The following PASK variants were observed in gnomAD, a reference collection of about 807,000 sequenced individuals.
PASK encodes the protein PAS domain-containing serine/threonine-protein kinase.
A neutral mutation model predicts 121.0 loss-of-function variants in PASK; 110 were observed. The observed-to-expected ratio is 0.91, with a 90% confidence interval of 0.78 to 1.06. The LOEUF is 1.06. PASK is among the 50% of genes least tolerant of loss of function. PASK has a pLI of 0.00. For synonymous variants in PASK, 686 were observed against 717.8 expected (o/e 0.96, Z 0.71); for missense variants, 1,643 against 1,702.3 (o/e 0.97, Z 0.61).
chr2:241,142,616 AAAG>A (rs1254556674), intron 2 of PASK, among the ~76,000 whole-genome samples: 1 of 152,336 alleles, frequency 6.6e-6, no homozygotes, highest in Admixed American at 6.5e-5. Context: ...TGCTGCCTGA[AAAG>A]AAGCGCCAGC....
At chr2:241,121,446 G>A (rs1354967662) in intron 12 of PASK, among the ~76,000 whole-genome samples, 2 of 152,162 alleles carry the variant, frequency 1.3e-5, no homozygotes, top group Admixed American at 1.3e-4. Context: ...AGGAAAAATA[G>A]AGGGGAAAAT....
Position 241,112,428 on chromosome 2 carries a change from T to C in PASK, c.3345A>G (p.Ala1115=), listed in dbSNP as rs908129880. ...ASYIFRQLVS[A]VGYLRLKDII... is the part of the protein sequence containing the mutation. ...TGTCCTTCAAGCGCAGGTATCCCAC[T>C]GCTGACACTAGCTGGAATCAGGAGG... Residue 1115 remains alanine (A), a synonymous_variant, in exon 15 of 18, where the codon GCA becomes GCG. Coordinates refer to ENST00000234040, the MANE Select transcript of PASK (RefSeq NM_015148.4). The surrounding 1 kb of genome is among the most constrained non-coding windows in gnomAD (Gnocchi z 5.2). 1.2e-6 allele frequency: 2 copies of C among 1,612,498 alleles called. No homozygotes were observed. Among genetic ancestry groups the C allele is most frequent in the African/African-American group, 1.3e-5 (1 of 74,732 alleles).
intron 14 of PASK, chr2:241,113,670 A>G (rs886096972): frequency 2.0e-5 from 19 of 937,202 alleles, no homozygotes; most frequent in Non-Finnish European, 2.4e-5. Context: ...TTTATTAACT[A>G]GTACTGAGAG....
At position 241,108,244 on chromosome 2, in the gene PASK, A is replaced by T; in HGVS notation, c.3590T>A (p.Val1197Asp). 6.2e-7 allele frequency: 1 copy of T among 1,613,938 alleles called. No homozygotes were observed. The highest frequency in any genetic ancestry group is 2.2e-5 in the East Asian group (1 of 44,864). Residue 1197 changes from valine (V) to aspartate (D), a missense_variant, in exon 16 of 18, where the codon GTC becomes GAC. Physicochemically the swap from Val to Asp is radical, Grantham distance 152. Around this residue, in one of 3 missense-constraint regions of PASK, gnomAD observed 453 missense variants for 511.2 expected, o/e 0.89. Transcript: ENST00000234040. The surrounding 1 kb of genome is among the most constrained non-coding windows in gnomAD (Gnocchi z 5.2). ...WSLGVTLYTL[V>D]FEENPFCELE... ...CTCACAGAAGGGGTTCTCCTCAAAG[A>T]CCAGCGTGTACAGAGTGACTCCCAG...
At chr2:241,111,429 A>G (rs930181745) in intron 15 of PASK, among the ~76,000 whole-genome samples, 3 of 152,174 alleles carry the variant, frequency 2.0e-5, no homozygotes, top group Admixed American at 2.0e-4. Flanking sequence ...TCTAAAATAC[A>G]TGTAGGTGTT....
rs1269600472 is a variant in PASK at position 241,123,814 on chromosome 2, G to A, written c.2904+135C>T. 32 of 736,394 alleles carry A rather than the reference G, an allele frequency of 4.3e-5. 1 individual carries two copies. Among genetic ancestry groups the A allele is most frequent in the South Asian group, 2.2e-4 (13 of 59,142 alleles). The allele number at this position is 736,394 out of a possible 1,614,324, so 45.6% of individuals were successfully genotyped here. ...GCCTGGGGAACAAGAGCAAGACTCC[G>A]TCCCAGAAAAAAAAAAAAAAAGCTA... On this transcript the variant is annotated intron_variant, in intron 11 of 17. Coordinates refer to ENST00000234040, the MANE Select transcript of PASK (RefSeq NM_015148.4).
At chr2:241,150,102 T>A (rs1332133755), upstream of PASK, 2 of 1,263,474 alleles carry the variant, frequency 1.6e-6, no homozygotes, top group Admixed American at 4.0e-5. Flanking sequence ...AAGATCCGCC[T>A]GGCCCGCGGC....
intron 17 of PASK, 141 bp downstream of exon 17, chr2:241,107,212 G>T: frequency 1.2e-6 from 1 of 807,854 alleles, no homozygotes; most frequent in Non-Finnish European, 2.2e-6. Context: ...TGACAGGTCA[G>T]CTATAGGCCC....
intron 2 of PASK, among the ~76,000 whole-genome samples, chr2:241,141,316 G>C (rs115395057): frequency 1.3e-5 from 2 of 152,082 alleles, no homozygotes; most frequent in Non-Finnish European, 2.9e-5. Flanking sequence ...ACACTCAAAG[G>C]TTCCTTCCTT....
intron 1 of PASK, among the ~76,000 whole-genome samples, chr2:241,145,352 C>T (rs887095406): frequency 2.0e-5 from 3 of 152,062 alleles, no homozygotes; most frequent in African/African-American, 4.8e-5. Context: ...AGGCAGGTCT[C>T]GTGGCCTGCA....
chr2:241,122,423 C>T (rs2065654242), intron 12 of PASK, among the ~76,000 whole-genome samples: 1 of 152,162 alleles, frequency 6.6e-6, no homozygotes, highest in South Asian at 2.1e-4. Context: ...GGTGCAAGCC[C>T]CAGGCTCAGA....
At position 241,112,224 on chromosome 2, in the gene PASK, G is replaced by A. The variant is rs1299636787; in HGVS notation, c.3533+16C>T. 12 of 1,601,678 alleles carry A rather than the reference G, an allele frequency of 7.5e-6. No individual in the cohort carries two copies. The highest frequency in any genetic ancestry group is 4.0e-5 in the African/African-American group (3 of 74,644). ...AGAGGACACGAGGACGGGCCGCACC[G>A]CAGCCGCATACGTACGGATTCCCCA... is the stretch of plus-strand genomic sequence containing the variant. On this transcript the variant is annotated intron_variant, in intron 15 of 17. Coordinates refer to ENST00000234040, the MANE Select transcript of PASK (RefSeq NM_015148.4). This position sits in a 1 kb window ranked among gnomAD's most constrained non-coding sequence, Gnocchi z 5.2.
In PASK at chr2:241,126,789, G is replaced by A. The variant is rs575148483; in HGVS notation, c.2126C>T (p.Thr709Met). ...GGCATAGCAGGCTGAGGAGCTGCCC[G>A]TGCAGCCACCGCACAGGTCTCTGCC... ...LGGRDLCGGC[T>M]GSSSACYALA... The change falls in exon 10 of 18, where the codon ACG becomes ATG. Residue 709 changes from threonine to methionine, a missense_variant. Transcript: ENST00000234040. 99 of 1,613,934 alleles carry A rather than the reference G, an allele frequency of 6.1e-5. No individual in the cohort carries two copies. The highest frequency in any genetic ancestry group is 1.7e-4 in the Middle Eastern group (1 of 6,058).
intron 1 of PASK, among the ~76,000 whole-genome samples, chr2:241,145,484 C>T (rs1321183382): frequency 6.6e-6 from 1 of 152,064 alleles, no homozygotes; most frequent in East Asian, 1.9e-4. Context: ...AATAAAATCA[C>T]TAAGTTTTTA....
chr2:241,131,549 T>C (rs2066133790), intron 9 of PASK, among the ~76,000 whole-genome samples: 1 of 152,152 alleles, frequency 6.6e-6, no homozygotes, highest in Admixed American at 6.5e-5. Flanking sequence ...TGTGGATAAA[T>C]ATCACAGACA....
Position 241,106,554 on chromosome 2 carries a change from A to G in PASK, c.*12T>C, listed in dbSNP as rs761424648. ...CCAAACCAAGTGGAGAAAAGCAGGA[A>G]GAAATTGGTGTTTAGCTGGTCAGCA... On this transcript the variant is annotated 3_prime_UTR_variant, in exon 18 of 18. Coordinates refer to ENST00000234040, the MANE Select transcript of PASK (RefSeq NM_015148.4). 9 of 1,613,772 alleles carry G rather than the reference A, an allele frequency of 5.6e-6. No homozygotes were observed. In the African/African-American group the frequency reaches 1.2e-4, roughly 22 times the overall value.
chr2:241,111,073 C>G (rs1044920836), intron 15 of PASK, among the ~76,000 whole-genome samples: 1 of 152,202 alleles, frequency 6.6e-6, no homozygotes, highest in African/African-American at 2.4e-5. Flanking sequence ...CCTGCACCTC[C>G]TAATGAAATA....
intron 8 of PASK, 69 bp from the exon 9 acceptor site, chr2:241,133,099 C>T (rs549620788): frequency 6.8e-7 from 1 of 1,477,142 alleles, no homozygotes; most frequent in Non-Finnish European, 9.5e-7. Context: ...TGCTCATTCG[C>T]CTGGAACTCA....
chr2:241,124,006 G>A lies in PASK; in HGVS notation c.2847C>T (p.Ser949=). 1.2e-6 allele frequency: 2 copies of A among 1,614,032 alleles called. No individual in the cohort carries two copies. Among genetic ancestry groups the A allele is most frequent in the East Asian group, 2.2e-5 (1 of 44,874 alleles). ...CGGTAGAGTGGGTGGAGCCGGGCAG[G>A]CTGGCAAGGAACAGGCGGGTCCTGG... The part of the protein sequence containing the change: ...SAARTRLFLA[S]LPGSTHSTAA... The change falls in exon 11 of 18, where the codon AGC becomes AGT. Residue 949 remains serine (S), a synonymous_variant. Coordinates refer to ENST00000234040, the MANE Select transcript of PASK (RefSeq NM_015148.4).
Sources: gnomAD v4.1 joint callset for allele counts (sites outside exome capture counted in the v4.1 genomes callset) on GRCh38, gnomAD v4.1.1 for gene constraint, gnomAD v4.1.1 regional missense constraint, Gnocchi (gnomAD v3.1) non-coding constraint, MANE v1.5 for transcripts, NCBI Gene and HGNC (gene_info 2026-07-23, HGNC 2026-07-21) for gene names.